Variants in AVIL observed in about 807,000 individuals in gnomAD.
AVIL encodes the protein advillin.
AVIL carries 78 observed loss-of-function variants against 109.9 expected under a neutral mutation model. That is an observed-to-expected ratio of 0.71 (90% confidence interval 0.59 to 0.86). The LOEUF (loss-of-function observed/expected upper bound fraction) is 0.86, where lower values mean the gene tolerates loss of function less well. Ranked by LOEUF, AVIL falls within the 40% of genes least tolerant of loss-of-function variation. AVIL has a pLI of 0.00. For missense variants in AVIL, 892 were observed against 1,016.5 expected (o/e 0.88, Z 1.67); for synonymous variants, 367 against 379.1 (o/e 0.97, Z 0.37).
chr12:57,814,440 C>T, intron 2 of AVIL: 1 of 555,076 alleles, frequency 1.8e-6, no homozygotes, highest in Non-Finnish European at 3.3e-6. Context: ...CGGATCTGAA[C>T]CTTGGTCCCT....
At chr12:57,814,386 C>A in intron 2 of AVIL, 160 bp from the exon 3 acceptor site, 1 of 667,190 alleles carries the variant, frequency 1.5e-6, no homozygotes, top group Non-Finnish European at 2.6e-6. Flanking sequence ...ACAGGGTTAA[C>A]GTGGCCATCC....
Position 57,801,205 on chromosome 12 carries a change from T to G in AVIL, c.2159A>C (p.Lys720Thr). The G allele has an allele frequency of 6.2e-7, 1 of 1,613,426 alleles. No homozygotes were observed. Residue 720 changes from lysine to threonine, a missense_variant, in exon 18 of 20, where the codon AAA becomes ACA. Coordinates refer to ENST00000549994, the MANE Select transcript of AVIL (RefSeq NM_006576.4). ...AWDPNIWSAG[K>T]TYEQLKEELG... is the part of the protein sequence containing the mutation. ...CTCTTCTTTTAATTGTTCATATGTT[T>G]TTCCTGCCTGAGAAGAAGAGAGAGA...
chr12:57,815,810 C>T, intron 2 of AVIL, 165 bp downstream of exon 2: 1 of 1,504,308 alleles, frequency 6.6e-7, no homozygotes. Flanking sequence ...GCTTTGAGCA[C>T]CCAGGAGAGG....
At position 57,810,964 on chromosome 12, in the gene AVIL, T is replaced by C. The variant is rs762031731; in HGVS notation, c.448-38A>G. The C allele has an allele frequency of 1.9e-5, 30 of 1,613,932 alleles. No homozygotes were observed. The South Asian group carries it at 3.2e-4, about 17-fold the overall frequency. On this transcript the variant is annotated intron_variant, in intron 5 of 19. Transcript: ENST00000549994. ...GGTAAACATTGTTCAGGAGGAATTC[T>C]TAGGTGCCAGGTGGAGAAGCCCCGG...
At chr12:57,810,241 C>T in intron 7 of AVIL, 108 bp downstream of exon 7, 1 of 1,224,802 alleles carries the variant, frequency 8.2e-7, no homozygotes, top group South Asian at 1.5e-5. Context: ...AAGAAGAAAA[C>T]CAGATGGCTA....
chr12:57,811,172 A>C, intron 4 of AVIL, 45 bp from the exon 5 acceptor site: 1 of 1,580,658 alleles, frequency 6.3e-7, no homozygotes, highest in Middle Eastern at 1.7e-4. Flanking sequence ...GCTATGTGCT[A>C]GGTTCTGGGG....
At chr12:57,800,101 T>A in intron 18 of AVIL, 181 bp from the exon 19 acceptor site, 1 of 838,308 alleles carries the variant, frequency 1.2e-6, no homozygotes, top group East Asian at 2.8e-5. Context: ...ATAGAAAATA[T>A]TCAGATTTTG....
At chr12:57,802,874 A>G in intron 16 of AVIL, 1 of 543,850 alleles carries the variant, frequency 1.8e-6, no homozygotes, top group Non-Finnish European at 3.2e-6. Flanking sequence ...GTGGGCCCAC[A>G]GTAGCTCTTA....
At position 57,809,813 on chromosome 12, in the gene AVIL, T is replaced by C; in HGVS notation, c.839A>G (p.Asp280Gly). The C allele has an allele frequency of 6.2e-7, 1 of 1,614,150 alleles. No homozygotes were observed. The highest frequency in any genetic ancestry group is 8.5e-7 in the Non-Finnish European group (1 of 1,179,956). Residue 280 changes from aspartate to glycine, a missense_variant and splice_region_variant, in exon 8 of 20, where the codon GAT becomes GGT. Transcript: ENST00000549994. ...TAAGTCCACCCAAACTCTACTTACA[T>C]CATGGTTCAGTAAGTCCTGGACCAG... ...RPLVQDLLNH[D>G]DCYILDQSGT...
intron 18 of AVIL, 139 bp from the exon 19 acceptor site, chr12:57,800,059 C>G (rs578259260): frequency 8.6e-7 from 1 of 1,157,010 alleles, no homozygotes; most frequent in Non-Finnish European, 1.2e-6. Flanking sequence ...CAATGCTCCC[C>G]AAACCTGGCT....
In AVIL at chr12:57,810,361, A is replaced by C; in HGVS notation, c.749T>G (p.Ile250Ser). 6.2e-7 allele frequency: 1 copy of C among 1,614,182 alleles called. No homozygotes were observed. Among genetic ancestry groups the C allele is most frequent in the Non-Finnish European group, 8.5e-7 (1 of 1,180,044 alleles). ...TTGAGCTACTCACTGATACAACATGATAGTTGATTTCTGCTTCTGATCTAT... is the reference window on the plus strand; with the variant it reads ...TTGAGCTACTCACTGATACAACATGCTAGTTGATTTCTGCTTCTGATCTAT... ...EIIDQKQKST[I>S]MLYHISDSAG... Residue 250 changes from isoleucine (I) to serine (S), a missense_variant, in exon 7 of 20, where the codon ATC (isoleucine) becomes AGC (serine). Physicochemically the swap from Ile to Ser is moderately radical, Grantham distance 142 (BLOSUM62 -2). Coordinates refer to ENST00000549994, the MANE Select transcript of AVIL (RefSeq NM_006576.4).
intron 1 of AVIL, among the ~76,000 whole-genome samples, chr12:57,817,611 A>G (rs1261703317): frequency 6.6e-6 from 1 of 152,110 alleles, no homozygotes; most frequent in Non-Finnish European, 1.5e-5. Context: ...GAAGGGGACA[A>G]GGGCCACTGA....
Position 57,799,861 on chromosome 12 carries a change from A to C in AVIL, c.2280T>G (p.Pro760=). The C allele has an allele frequency of 6.2e-7, 1 of 1,614,152 alleles. No homozygotes were observed. The highest frequency in any genetic ancestry group is 1.3e-5 in the African/African-American group (1 of 75,040). Residue 760 remains proline, a synonymous_variant, in exon 19 of 20, where the codon CCT becomes CCG. Transcript: ENST00000549994. ...TCTGGTTTTTCAACAGAACTGCTAT[A>C]GGGTAATATTTTGGCTCACTGTCAT... The part of the protein sequence containing the change: ...NSNDSEPKYY[P]IAVLLKNQNQ...
rs1355226914 is a variant in AVIL, at chr12:57,803,297, G to A, written c.1912C>T (p.Gln638Ter). The part of the protein sequence containing the change: ...FVVTEITDFT[Q>*]DDLNPTDVML... ...ACGTCAGTAGGGTTCAGGTCATCCT[G>A]GGTGAAGTCTGTGATCTCAGTGACA... The change falls in exon 16 of 20, where the codon CAG (glutamine) becomes TAG (stop). Residue 638 changes from glutamine (Q) to a stop codon, truncating the protein, a stop_gained. Transcript: ENST00000549994. LOFTEE classifies it high-confidence loss of function. The A allele has an allele frequency of 6.2e-7, 1 of 1,614,162 alleles. No homozygotes were observed. Among genetic ancestry groups the A allele is most frequent in the Admixed American group, 1.7e-5 (1 of 60,026 alleles).
Position 57,798,003 on chromosome 12 carries a change from A to G in AVIL, c.2347-8T>C. The G allele has an allele frequency of 1.3e-6, 2 of 1,585,160 alleles. No homozygotes were observed. Among genetic ancestry groups the G allele is most frequent in the Non-Finnish European group, 8.6e-7 (1 of 1,167,054 alleles). On this transcript the variant is annotated splice_region_variant and splice_polypyrimidine_tract_variant and intron_variant, in intron 19 of 19. Coordinates refer to ENST00000549994, the MANE Select transcript of AVIL (RefSeq NM_006576.4). ...CTGTTCAGAGAGGTAATTCTAAGAG[A>G]GAAAACAAAGTTTCTAGTTAGAAGG...
chr12:57,805,785 T>A, intron 14 of AVIL: 1 of 151,226 alleles, frequency 6.6e-6, no homozygotes, highest in Non-Finnish European at 1.5e-5. Flanking sequence ...TCCTCCTGCC[T>A]CGGCCTCCCA....
chr12:57,801,922 A>G (rs1366265922), intron 17 of AVIL, among the ~76,000 whole-genome samples: 1 of 152,224 alleles, frequency 6.6e-6, no homozygotes, highest in Non-Finnish European at 1.5e-5. Flanking sequence ...GATATACTTT[A>G]TAAACTGTTT....
In AVIL at chr12:57,799,895, A is replaced by C. The variant is rs758861059; in HGVS notation, c.2246T>G (p.Leu749Arg). ...TTTTGGCTCACTGTCATTAGAATTC[A>C]GGGAGAGGGTTGCATTCTTCATGTC... The part of the protein sequence containing the change: ...TADMKNATLS[L>R]NSNDSEPKYY... The change falls in exon 19 of 20, where the codon CTG becomes CGG. Residue 749 changes from leucine to arginine, a missense_variant. Physicochemically the swap from Leu to Arg is moderately radical, Grantham distance 102. Transcript: ENST00000549994. The C allele has an allele frequency of 3.1e-6, 5 of 1,614,206 alleles. No individual in the cohort carries two copies. Among genetic ancestry groups the C allele is most frequent in the Non-Finnish European group, 4.2e-6 (5 of 1,180,028 alleles).
intron 2 of AVIL, chr12:57,815,584 C>T: frequency 3.2e-6 from 4 of 1,262,230 alleles, no homozygotes; most frequent in African/African-American, 1.5e-5. Flanking sequence ...TCACCTCTCC[C>T]CATATTTTGT....
Sources: gnomAD v4.1 joint callset for allele counts (sites outside exome capture counted in the v4.1 genomes callset) on GRCh38, gnomAD v4.1.1 for gene constraint, MANE v1.5 for transcripts, NCBI Gene and HGNC (gene_info 2026-07-23, HGNC 2026-07-21) for gene names.